SMOC2: variants seen among roughly 807,000 people sequenced by gnomAD.
SMOC2 encodes SPARC related modular calcium binding 2, also known as SPARC-related modular calcium-binding protein 2.
A neutral mutation model predicts 61.4 loss-of-function variants in SMOC2; 39 were observed. The ratio of observed to expected loss-of-function variants is 0.64; its 90% CI spans 0.49 to 0.83. SMOC2 has a LOEUF of 0.83. Among genes scored for constraint, SMOC2 ranks in the 40% least tolerant of loss-of-function variants. The pLI, the probability that SMOC2 is intolerant of heterozygous loss-of-function variation, is 0.00. For missense variants in SMOC2, 556 were observed against 592.9 expected (o/e 0.94, Z 0.65); for synonymous variants, 247 against 239.9 (o/e 1.03, Z -0.27).
chr6:168,570,956 G>A (rs1478359153), intron 7 of SMOC2, among the ~76,000 whole-genome samples: 1 of 152,100 alleles, frequency 6.6e-6, no homozygotes, highest in African/African-American at 2.4e-5. Context: ...ATAACTCATA[G>A]TGAAGTTTTT....
At chr6:168,614,812 T>G (rs370148440) in intron 9 of SMOC2, among the ~76,000 whole-genome samples, 28 of 22,424 alleles carry the variant, frequency 1.2e-3, no homozygotes, top group Middle Eastern at 0.036. Flanking sequence ...GGCCTCTTCA[T>G]ACCTACAGCC....
At chr6:168,467,727 G>A (rs1781876873) in intron 1 of SMOC2, among the ~76,000 whole-genome samples, 1 of 152,070 alleles carries the variant, frequency 6.6e-6, no homozygotes, top group African/African-American at 2.4e-5. Flanking sequence ...TTTGACCAGG[G>A]TGAATTTTAT....
intron 11 of SMOC2, among the ~76,000 whole-genome samples, chr6:168,653,591 G>C (rs1261813934): frequency 6.6e-6 from 1 of 150,836 alleles, no homozygotes; most frequent in Non-Finnish European, 1.5e-5. Flanking sequence ...CCAACCAAAT[G>C]TTAGGAACTC....
intron 11 of SMOC2, among the ~76,000 whole-genome samples, chr6:168,662,710 G>C (rs190321613): frequency 6.6e-6 from 1 of 152,158 alleles, no homozygotes; most frequent in Non-Finnish European, 1.5e-5. Context: ...GTGTCTGCTC[G>C]GGTCCACGTG....
At chr6:168,576,352 A>G (rs1305236846) in intron 7 of SMOC2, among the ~76,000 whole-genome samples, 1 of 152,156 alleles carries the variant, frequency 6.6e-6, no homozygotes, top group African/African-American at 2.4e-5. Flanking sequence ...ATCTACTGAC[A>G]TCAGTGAACA....
At chr6:168,575,844 C>G (rs943717805) in intron 7 of SMOC2, among the ~76,000 whole-genome samples, 1 of 151,004 alleles carries the variant, frequency 6.6e-6, no homozygotes, top group African/African-American at 2.5e-5. Flanking sequence ...CTTCCTTGAT[C>G]ATCACTCAGT....
rs1320811785 is a variant in SMOC2 at position 168,544,795 on chromosome 6, T to G, written c.511+1123T>G. ...GGAAGATCCTTTGCAAAAAGAGTTC[T>G]GTATTACTAGGACACTGACATTTTG... is the stretch of plus-strand genomic sequence containing the variant. On this transcript the variant is annotated intron_variant, in intron 5 of 12. Transcript: ENST00000356284. This position sits in a 1 kb window ranked among gnomAD's most constrained non-coding sequence, Gnocchi z 4.1. 2.0e-5 allele frequency among the ~76,000 whole-genome samples: 3 copies of G among 152,240 alleles called. No homozygotes were observed. Among genetic ancestry groups the G allele is most frequent in the Admixed American group, 6.5e-5 (1 of 15,288 alleles).
intron 4 of SMOC2, among the ~76,000 whole-genome samples, chr6:168,539,767 C>G (rs78594486): frequency 0.035 from 5,309 of 152,292 alleles, 137 homozygotes; most frequent in Non-Finnish European, 0.053. Flanking sequence ...CCTGGCCCTC[C>G]CGGTCCACTC....
In SMOC2 at chr6:168,475,732, TAGA is replaced by T. The variant is rs1294680131; in HGVS notation, c.85-34174_85-34172del. The stretch of plus-strand genomic sequence containing the variant: ...GTGGGTCGAGGACACTGCTCGGCGT[TAGA>T]AGAAGAAGTAGTGAAGGGCAGTATT... On this transcript the variant is annotated intron_variant, in intron 1 of 12. Coordinates refer to ENST00000356284, the MANE Select transcript of SMOC2 (RefSeq NM_001166412.2). This position sits in a 1 kb window ranked among gnomAD's most constrained non-coding sequence, Gnocchi z 4.6. Among the ~76,000 whole-genome samples the T allele has an allele frequency of 4.6e-5, 7 of 152,000 alleles. No homozygotes were observed. The highest frequency in any genetic ancestry group is 1.2e-4 in the African/African-American group (5 of 41,386).
At chr6:168,512,937 A>G (rs575747928) in intron 2 of SMOC2, among the ~76,000 whole-genome samples, 44 of 152,366 alleles carry the variant, frequency 2.9e-4, no homozygotes, top group African/African-American at 1.0e-3. Flanking sequence ...TGTGGAAGTG[A>G]AAGATCTATA....
At chr6:168,618,199 C>T (rs543569758) in intron 9 of SMOC2, among the ~76,000 whole-genome samples, 4 of 152,320 alleles carry the variant, frequency 2.6e-5, no homozygotes, top group Non-Finnish European at 2.9e-5. Flanking sequence ...TTTTTAAACG[C>T]GAGGCCTCCG....
At chr6:168,470,446 C>G (rs959879675) in intron 1 of SMOC2, among the ~76,000 whole-genome samples, 1 of 152,110 alleles carries the variant, frequency 6.6e-6, no homozygotes, top group Non-Finnish European at 1.5e-5. Flanking sequence ...GAGGCCGAGT[C>G]GGTGGGCTGC....
intron 1 of SMOC2, among the ~76,000 whole-genome samples, chr6:168,481,729 A>G (rs1345612175): frequency 6.6e-6 from 1 of 152,042 alleles, no homozygotes; most frequent in Non-Finnish European, 1.5e-5. Context: ...AAAGACTGTC[A>G]GAATGGATAA....
chr6:168,489,169 G>A (rs937141310), intron 1 of SMOC2, among the ~76,000 whole-genome samples: 3 of 143,274 alleles, frequency 2.1e-5, no homozygotes, highest in South Asian at 4.6e-4. Flanking sequence ...ATATCAAATC[G>A]TCTGGGTCCC....
At position 168,598,975 on chromosome 6, in the gene SMOC2, G is replaced by A. The variant is rs746645500; in HGVS notation, c.795G>A (p.Thr265=). ...ACTGCTGGTGCGTCCTGGTGGACAC[G>A]GGGCGCCCCATTCCCGGCACATCCA... ...TGYCWCVLVD[T]GRPIPGTSTR... The change falls in exon 8 of 13, where the codon ACG becomes ACA. Residue 265 remains threonine (T), a synonymous_variant. Transcript: ENST00000356284. 3.0e-5 allele frequency: 48 copies of A among 1,611,062 alleles called. No homozygotes were observed. The Admixed American group carries it at 7.4e-4, about 25-fold the overall frequency.
chr6:168,467,634 T>C (rs1781874901), intron 1 of SMOC2, among the ~76,000 whole-genome samples: 1 of 152,102 alleles, frequency 6.6e-6, no homozygotes, highest in African/African-American at 2.4e-5. Flanking sequence ...AAAAATGTTT[T>C]TGTAGAGATG....
At chr6:168,640,585 A>C (rs1324646402) in intron 9 of SMOC2, among the ~76,000 whole-genome samples, 4 of 152,212 alleles carry the variant, frequency 2.6e-5, no homozygotes, top group African/African-American at 9.6e-5. Flanking sequence ...ACTTGAAATC[A>C]ATCAAGGACA....
chr6:168,504,934 C>A (rs1283698899), intron 1 of SMOC2, among the ~76,000 whole-genome samples: 2 of 151,900 alleles, frequency 1.3e-5, no homozygotes, highest in Non-Finnish European at 1.5e-5. Context: ...AAGTCGAAGA[C>A]AATAAAATAC....
intron 7 of SMOC2, among the ~76,000 whole-genome samples, chr6:168,567,073 A>G (rs1338299439): frequency 1.3e-5 from 2 of 152,238 alleles, no homozygotes; most frequent in Non-Finnish European, 2.9e-5. Context: ...GATTAGTCTC[A>G]ACTAAAAGGC....
Sources: allele counts gnomAD v4.1 joint callset (sites outside exome capture counted in the v4.1 genomes callset), GRCh38; gene constraint gnomAD v4.1.1; non-coding constraint Gnocchi (gnomAD v3.1); transcripts MANE v1.5; gene names NCBI Gene and HGNC (gene_info 2026-07-23, HGNC 2026-07-21).